The following TTYH2 variants were observed in gnomAD, a reference collection of about 807,000 sequenced individuals.
TTYH2 encodes the protein tweety family member 2, also known as protein tweety homolog 2.
Under a neutral mutation model 68.3 loss-of-function variants are expected in TTYH2, and 49 were observed. That is an observed-to-expected ratio of 0.72 (90% CI 0.57 to 0.91). The LOEUF (loss-of-function observed/expected upper bound fraction) is 0.91. Among genes scored for constraint, TTYH2 ranks in the 40% least tolerant of loss-of-function variants. The pLI is 0.00. For synonymous variants in TTYH2, 272 were observed against 300.8 expected, an observed-to-expected ratio of 0.90 and a Z score of 0.99; for missense variants, 631 against 700.4, an observed-to-expected ratio of 0.90 and a Z score of 1.12.
chr17:74,258,016 T>A (rs932014082), intron 13 of TTYH2, among the ~76,000 whole-genome samples: 2 of 151,794 alleles, frequency 1.3e-5, no homozygotes, highest in Non-Finnish European at 2.9e-5. Context: ...TAGCTGGGCA[T>A]GGTGATGGGT....
At chr17:74,223,401 C>T (rs566951454) in intron 2 of TTYH2, among the ~76,000 whole-genome samples, 1 of 152,232 alleles carries the variant, frequency 6.6e-6, no homozygotes, top group East Asian at 1.9e-4. Context: ...GCTGGGATTA[C>T]AGGCGTGAGG....
Position 74,253,250 on chromosome 17 carries a change from C to A in TTYH2, c.1429C>A (p.Pro477Thr), listed in dbSNP as rs140920850. 4.7e-4 allele frequency: 751 copies of A among 1,602,428 alleles called. 7 individuals carry two copies. In the East Asian group the frequency reaches 0.016, roughly 35 times the overall value. The stretch of plus-strand genomic sequence containing the variant: ...CCCGGCCCAGACCATCTCCAACGCC[C>A]CTGTCTCCGAGTACATGTACGGCCT... The part of the protein sequence containing the change: ...QPPAQTISNA[P>T]VSEYMNQAML... The change falls in exon 12 of 14, where the codon CCT becomes ACT. Residue 477 changes from proline to threonine, a missense_variant. Physicochemically the swap from Pro to Thr is conservative, Grantham distance 38. Transcript: ENST00000269346.
chr17:74,231,070 C>T (rs1238100979), intron 3 of TTYH2, 71 bp downstream of exon 3: 1 of 1,381,224 alleles, frequency 7.2e-7, no homozygotes, highest in Non-Finnish European at 1.0e-6. Flanking sequence ...GCAAGGGCCC[C>T]CGTCAGATCC....
At chr17:74,259,240 C>T (rs747909757) in intron 13 of TTYH2, among the ~76,000 whole-genome samples, 3 of 152,042 alleles carry the variant, frequency 2.0e-5, no homozygotes, top group African/African-American at 7.3e-5. Context: ...GAGAGGGTCT[C>T]GCTCCGTTGC....
intron 6 of TTYH2, among the ~76,000 whole-genome samples, chr17:74,245,907 C>T (rs370485577): frequency 6.6e-6 from 1 of 152,260 alleles, no homozygotes; most frequent in South Asian, 2.1e-4. Context: ...ACCCCTACCC[C>T]TCCCTGTCCC....
rs374531821 is a variant in TTYH2, at chr17:74,219,798, A to G, written c.130-2687A>G. ...ATTCTAAGACTATAACACATGTTCTATATCTTTTCTCTTGTTGGTGGACGT... is the reference window on the plus strand; with the variant it reads ...ATTCTAAGACTATAACACATGTTCTGTATCTTTTCTCTTGTTGGTGGACGT... On this transcript the variant is annotated intron_variant, in intron 1 of 13. Coordinates refer to ENST00000269346, the MANE Select transcript of TTYH2 (RefSeq NM_032646.6). Among the ~76,000 whole-genome samples, 24 of 151,878 alleles carry G rather than the reference A, an allele frequency of 1.6e-4. 1 individual carries two copies. The South Asian group carries it at 4.4e-3, about 28-fold the overall frequency.
At chr17:74,254,011 G>A (rs2050667026) in intron 13 of TTYH2, among the ~76,000 whole-genome samples, 178 bp downstream of exon 13, 1 of 152,128 alleles carries the variant, frequency 6.6e-6, no homozygotes, top group African/African-American at 2.4e-5. Flanking sequence ...TTGCAAAGAT[G>A]CAAGAAATCT....
At chr17:74,250,229 A>G (rs1438857646) in intron 9 of TTYH2, 36 bp from the exon 10 acceptor site, 8 of 1,566,034 alleles carry the variant, frequency 5.1e-6, no homozygotes, top group Non-Finnish European at 6.9e-6. Context: ...TCTCCTCCAC[A>G]GCCCCTCGGC....
At chr17:74,252,895 T>C (rs2050649969) in intron 11 of TTYH2, among the ~76,000 whole-genome samples, 186 bp from the exon 12 acceptor site, 1 of 151,980 alleles carries the variant, frequency 6.6e-6, no homozygotes, top group Admixed American at 6.5e-5. Context: ...GAGCTGGTCG[T>C]GAAGCTGGGA....
chr17:74,226,587 G>A (rs2050332626), intron 2 of TTYH2, among the ~76,000 whole-genome samples: 1 of 152,160 alleles, frequency 6.6e-6, no homozygotes, highest in African/African-American at 2.4e-5. Flanking sequence ...GACAGCAGCA[G>A]GAGAAGGGAT....
In TTYH2 at chr17:74,260,249, T is replaced by C. The variant is rs772039444; in HGVS notation, c.*40T>C. ...TTCCTGCCTCCTTTTTCCGTTCTGG[T>C]TTTTAATTAGTGCAAATACAAGCTG... is the stretch of plus-strand genomic sequence containing the variant. On this transcript the variant is annotated 3_prime_UTR_variant, in exon 14 of 14. Coordinates refer to ENST00000269346, the MANE Select transcript of TTYH2 (RefSeq NM_032646.6). 6.3e-7 allele frequency: 1 copy of C among 1,596,598 alleles called. No homozygotes were observed. Among genetic ancestry groups the C allele is most frequent in the Non-Finnish European group, 8.6e-7 (1 of 1,165,050 alleles).
Position 74,222,635 on chromosome 17 carries a change from G to T in TTYH2, c.280G>T (p.Val94Leu). Residue 94 changes from valine to leucine, a missense_variant, in exon 2 of 14, where the codon GTG becomes TTG. Physicochemically the swap from Val to Leu is conservative, Grantham distance 32. Transcript: ENST00000269346. This position sits in a 1 kb window ranked among gnomAD's most constrained non-coding sequence, Gnocchi z 5.2. ...HHSCCITWTAVVAGLICCAAV... is the reference protein window; with the variant it reads ...HHSCCITWTALVAGLICCAAV... ...CTCCTGCTGCATCACCTGGACGGCC[G>T]TGGTGGCCGGGCTCATCTGCTGGTG... The T allele has an allele frequency of 6.2e-7, 1 of 1,610,178 alleles. No homozygotes were observed. Among genetic ancestry groups the T allele is most frequent in the Non-Finnish European group, 8.5e-7 (1 of 1,179,740 alleles).
intron 10 of TTYH2, 23 bp from the exon 11 acceptor site, chr17:74,252,211 G>T (rs2050638551): frequency 1.2e-6 from 2 of 1,610,728 alleles, no homozygotes; most frequent in Non-Finnish European, 1.7e-6. Flanking sequence ...TTCACTAGCT[G>T]CATGTCCCTC....
intron 6 of TTYH2, chr17:74,248,577 A>C: frequency 1.9e-6 from 2 of 1,030,256 alleles, no homozygotes; most frequent in Non-Finnish European, 1.2e-6. Context: ...GATCATAGCA[A>C]GACAAAATGT....
At position 74,249,355 on chromosome 17, in the gene TTYH2, T is replaced by C. The variant is rs758878228; in HGVS notation, c.886T>C (p.Tyr296His). ...CCGTTGCCCTGCAGAGGTGACTCGC[T>C]ACTACCTGTATTGCAGCCAGAGTGG... ...EGQISTEVTR[Y>H]YLYCSQSGSS... Residue 296 changes from tyrosine to histidine, a missense_variant, in exon 8 of 14, where the codon TAC becomes CAC. Transcript: ENST00000269346. The C allele has an allele frequency of 6.2e-7, 1 of 1,614,154 alleles. No homozygotes were observed. Among genetic ancestry groups the C allele is most frequent in the Non-Finnish European group, 8.5e-7 (1 of 1,180,014 alleles).
intron 3 of TTYH2, among the ~76,000 whole-genome samples, chr17:74,235,655 C>A (rs1337406248): frequency 6.6e-6 from 1 of 151,970 alleles, no homozygotes; most frequent in African/African-American, 2.4e-5. Flanking sequence ...TTTGGGAGGC[C>A]GAGGTGGGTG....
At position 74,230,990 on chromosome 17, in the gene TTYH2, C is replaced by A; in HGVS notation, c.405C>A (p.Ile135=). 1 of 1,613,818 alleles carries A rather than the reference C, an allele frequency of 6.2e-7. No individual in the cohort carries two copies. The highest frequency in any genetic ancestry group is 1.1e-5 in the South Asian group (1 of 91,048). Residue 135 remains isoleucine (I), a synonymous_variant, in exon 3 of 14, where the codon ATC becomes ATA. Coordinates refer to ENST00000269346, the MANE Select transcript of TTYH2 (RefSeq NM_032646.6). ...LDDANHTFSG[I]DALVSGTTQK... is the part of the protein sequence containing the mutation. ...ATGCCAACCACACCTTCTCTGGGAT[C>A]GATGCTCTGGTAAGGCTCCCGGGCA...
chr17:74,237,591 G>C, intron 4 of TTYH2, 77 bp downstream of exon 4: 1 of 1,316,414 alleles, frequency 7.6e-7, no homozygotes, highest in Non-Finnish European at 1.0e-6. Flanking sequence ...TGCATGTTGA[G>C]CTCCAGGTGG....
In TTYH2 at chr17:74,237,756, A is replaced by T. The variant is rs866257750; in HGVS notation, c.635+242A>T. Among the ~76,000 whole-genome samples, 6 of 151,974 alleles carry T rather than the reference A, an allele frequency of 3.9e-5. No individual in the cohort carries two copies. The South Asian group carries it at 1.2e-3, about 32-fold the overall frequency. On this transcript the variant is annotated intron_variant, in intron 4 of 13. Coordinates refer to ENST00000269346, the MANE Select transcript of TTYH2 (RefSeq NM_032646.6). ...ATTCTCTTGCCTCAGCCTCCCTCCC[A>T]AGTAGCTGGGACTACAGGTGTGTGC...
Sources: allele counts gnomAD v4.1 joint callset (sites outside exome capture counted in the v4.1 genomes callset), GRCh38; gene constraint gnomAD v4.1.1; non-coding constraint Gnocchi (gnomAD v3.1); transcripts MANE v1.5; gene names NCBI Gene and HGNC (gene_info 2026-07-23, HGNC 2026-07-21).